Variants in CDK6 observed in about 807,000 individuals in gnomAD.
CDK6 encodes cyclin-dependent kinase 6.
A neutral mutation model predicts 37.1 loss-of-function variants in CDK6; 6 were observed. The observed-to-expected ratio is 0.16, with a 90% CI of 0.09 to 0.32. CDK6 has a LOEUF of 0.32. Ranked by LOEUF, CDK6 falls within the 10% of genes least tolerant of loss-of-function variation. The probability of loss-of-function intolerance (pLI) is 1.00; values close to 1 mark genes in which losing one functional copy is unlikely to be tolerated. For synonymous variants in CDK6, 160 were observed against 161.3 expected, an observed-to-expected ratio of 0.99 and a Z score of 0.06; for missense variants, 224 against 418.9, an observed-to-expected ratio of 0.53 and a Z score of 4.06.
intron 5 of CDK6, among the ~76,000 whole-genome samples, chr7:92,645,926 T>A (rs1471482600): frequency 2.6e-5 from 4 of 152,226 alleles, no homozygotes; most frequent in African/African-American, 9.6e-5. Context: ...TTGAATTGAA[T>A]GGAAAAGGAG....
intron 3 of CDK6, among the ~76,000 whole-genome samples, chr7:92,767,599 T>C (rs1471552208): frequency 6.6e-6 from 1 of 152,172 alleles, no homozygotes; most frequent in Non-Finnish European, 1.5e-5. Flanking sequence ...TATTCTTCCA[T>C]CCTTCAAATC....
At position 92,834,109 on chromosome 7, in the gene CDK6, G is replaced by T. The variant is rs1029955347; in HGVS notation, c.-367-419C>A. ...TCCCCGCCTCCTGAGGCCCGGACGT[G>T]CAGGGAGACGGGGTCCAGGGGTGCC... On this transcript the variant is annotated intron_variant, in intron 1 of 7. Transcript: ENST00000424848. This position sits in a 1 kb window ranked among gnomAD's most constrained non-coding sequence, Gnocchi z 4.6. Among the ~76,000 whole-genome samples, 2 of 152,102 alleles carry T rather than the reference G, an allele frequency of 1.3e-5. No homozygotes were observed. The highest frequency in any genetic ancestry group is 2.9e-5 in the Non-Finnish European group (2 of 68,022).
At chr7:92,704,193 A>G (rs1797917575) in intron 4 of CDK6, among the ~76,000 whole-genome samples, 1 of 152,134 alleles carries the variant, frequency 6.6e-6, no homozygotes, top group African/African-American at 2.4e-5. Flanking sequence ...TATCTAATAT[A>G]TTAATTTGTT....
intron 4 of CDK6, among the ~76,000 whole-genome samples, chr7:92,721,325 G>A (rs1798360321): frequency 6.6e-6 from 1 of 152,128 alleles, no homozygotes; most frequent in African/African-American, 2.4e-5. Flanking sequence ...TGTCCTGTGT[G>A]CGGTATGGGG....
chr7:92,799,292 T>C (rs1396467285), intron 2 of CDK6, among the ~76,000 whole-genome samples: 3 of 152,178 alleles, frequency 2.0e-5, no homozygotes, highest in Non-Finnish European at 2.9e-5. Context: ...TCCCCACTAC[T>C]GGATGCAGTC....
chr7:92,692,693 G>C (rs1797624406), intron 4 of CDK6, among the ~76,000 whole-genome samples: 1 of 151,864 alleles, frequency 6.6e-6, no homozygotes, highest in African/African-American at 2.4e-5. Flanking sequence ...GCTGAGGTGG[G>C]AAAATCACCT....
chr7:92,743,631 G>C (rs1798985849), intron 3 of CDK6, among the ~76,000 whole-genome samples: 1 of 152,070 alleles, frequency 6.6e-6, no homozygotes, highest in African/African-American at 2.4e-5. Context: ...AATCATCAGT[G>C]AATTGAAAAT....
At chr7:92,761,287 G>A (rs918558633) in intron 3 of CDK6, among the ~76,000 whole-genome samples, 8 of 151,908 alleles carry the variant, frequency 5.3e-5, no homozygotes, top group Non-Finnish European at 8.8e-5. Context: ...ATTAATAATA[G>A]CTCTCTCCTA....
At chr7:92,732,733 TAG>T (rs919864600) in intron 3 of CDK6, among the ~76,000 whole-genome samples, 2 of 152,236 alleles carry the variant, frequency 1.3e-5, no homozygotes, top group Non-Finnish European at 2.9e-5. Flanking sequence ...GCAAATTGGC[TAG>T]AGAGTTTCAG....
chr7:92,710,234 T>C (rs143132223), intron 4 of CDK6, among the ~76,000 whole-genome samples: 1 of 152,310 alleles, frequency 6.6e-6, no homozygotes, highest in East Asian at 1.9e-4. Context: ...CGGGATTCAA[T>C]TATGAGTGAT....
intron 3 of CDK6, among the ~76,000 whole-genome samples, chr7:92,726,171 T>C (rs970851407): frequency 6.6e-6 from 1 of 152,288 alleles, no homozygotes; most frequent in Admixed American, 6.5e-5. Flanking sequence ...ATTTCAACAA[T>C]TAAAATCCAG....
rs1031969243 is a variant in CDK6 at position 92,712,926 on chromosome 7, T to A, written c.537+12700A>T. Among the ~76,000 whole-genome samples, 2 of 152,176 alleles carry A rather than the reference T, an allele frequency of 1.3e-5. 1 individual carries two copies. Among genetic ancestry groups the A allele is most frequent in the South Asian group, 4.1e-4 (2 of 4,824 alleles). The stretch of plus-strand genomic sequence containing the variant: ...TCTCACTCTGTTGCCCAGGCTGGAG[T>A]GATCTTGGCTCACTGCAACCTCCGC... On this transcript the variant is annotated intron_variant, in intron 4 of 7. Coordinates refer to ENST00000424848, the MANE Select transcript of CDK6 (RefSeq NM_001145306.2).
At chr7:92,735,388 G>A (rs557110899) in intron 3 of CDK6, among the ~76,000 whole-genome samples, 32 of 152,218 alleles carry the variant, frequency 2.1e-4, no homozygotes, top group Non-Finnish European at 3.7e-4. Context: ...AGTGAGCACA[G>A]TATCCAATAG....
chr7:92,764,618 G>T (rs144987322), intron 3 of CDK6, among the ~76,000 whole-genome samples: 51 of 152,340 alleles, frequency 3.3e-4, no homozygotes, highest in Middle Eastern at 3.4e-3. Context: ...AGAGGGTGAT[G>T]ATGAGGAAGA....
chr7:92,772,406 C>T (rs1259686119), intron 3 of CDK6, among the ~76,000 whole-genome samples: 3 of 152,008 alleles, frequency 2.0e-5, no homozygotes, highest in East Asian at 1.9e-4. Flanking sequence ...AACTCCACCT[C>T]GTATCTGACA....
intron 5 of CDK6, among the ~76,000 whole-genome samples, chr7:92,636,471 T>A (rs1027961660): frequency 6.6e-6 from 1 of 152,124 alleles, no homozygotes; most frequent in Non-Finnish European, 1.5e-5. Context: ...ATATATAAGA[T>A]CCATTTGCAT....
chr7:92,778,946 T>TATATATATATATATATATATATATATA (rs1479181745), intron 2 of CDK6, among the ~76,000 whole-genome samples: 5 of 135,004 alleles, frequency 3.7e-5, no homozygotes, highest in African/African-American at 6.0e-5. Flanking sequence ...TATATATATA[T>TATATATATATATATATATATATATATA]AAGATATTAT....
intron 4 of CDK6, among the ~76,000 whole-genome samples, chr7:92,676,759 G>C (rs868587812): frequency 2.6e-5 from 4 of 152,006 alleles, no homozygotes; most frequent in African/African-American, 9.7e-5. Flanking sequence ...ATGGTTTTGT[G>C]AAGTGAAAAT....
intron 3 of CDK6, among the ~76,000 whole-genome samples, chr7:92,762,208 T>A (rs1020854431): frequency 2.0e-5 from 3 of 152,206 alleles, no homozygotes; most frequent in Non-Finnish European, 4.4e-5. Context: ...ACACTCAGCA[T>A]AATCACATGC....
Sources: gnomAD v4.1 joint callset for allele counts (sites outside exome capture counted in the v4.1 genomes callset) on GRCh38, gnomAD v4.1.1 for gene constraint, Gnocchi (gnomAD v3.1) non-coding constraint, MANE v1.5 for transcripts, NCBI Gene and HGNC (gene_info 2026-07-23, HGNC 2026-07-21) for gene names.